GCNT2: variants seen among roughly 807,000 people sequenced by gnomAD.
GCNT2 encodes N-acetyllactosaminide beta-1,6-N-acetylglucosaminyl-transferase.
Under a neutral mutation model 34.2 loss-of-function variants are expected in GCNT2, and 34 were observed. The observed-to-expected ratio is 1.00, with a 90% confidence interval of 0.76 to 1.32. The LOEUF is 1.32. Among genes scored for constraint, GCNT2 ranks in the 40% most tolerant of loss-of-function variants. The pLI, the probability that GCNT2 is intolerant of heterozygous loss-of-function variation, is 0.00. For synonymous variants in GCNT2, 212 were observed against 188.0 expected (o/e 1.13, Z -1.04); for missense variants, 584 against 489.4 (o/e 1.19, Z -1.82).
chr6:10,578,365 AGAGT>A (rs1173249688), intron 3 of GCNT2, among the ~76,000 whole-genome samples: 2 of 147,130 alleles, frequency 1.4e-5, no homozygotes, highest in Non-Finnish European at 3.0e-5. Flanking sequence ...CCTGGGCAAC[AGAGT>A]GAGTGAGACT....
intron 3 of GCNT2, among the ~76,000 whole-genome samples, chr6:10,598,062 C>T (rs1329056958): frequency 1.3e-5 from 2 of 152,126 alleles, no homozygotes; most frequent in African/African-American, 4.8e-5. Flanking sequence ...CCTCTCTGGG[C>T]CTCAGTTTCC....
At chr6:10,616,594 A>G (rs1428785717) in intron 3 of GCNT2, among the ~76,000 whole-genome samples, 1 of 152,118 alleles carries the variant, frequency 6.6e-6, no homozygotes. Context: ...CTAGATACAG[A>G]GTGCCGATTG....
intron 3 of GCNT2, among the ~76,000 whole-genome samples, chr6:10,552,960 T>G (rs1295223771): frequency 6.6e-6 from 1 of 152,208 alleles, no homozygotes; most frequent in African/African-American, 2.4e-5. Flanking sequence ...TTTCTGCCAG[T>G]GCAGCTGAGC....
Position 10,571,628 on chromosome 6 carries a change from C to T in GCNT2, c.925+41792C>T, listed in dbSNP as rs146292056. The stretch of plus-strand genomic sequence containing the variant: ...TCAGCCTCCCAAAGTGCTGGGATTA[C>T]AGGTGTGTGCCACCGCACCAAGCCC... On this transcript the variant is annotated intron_variant, in intron 3 of 4. Transcript: ENST00000495262. Among the ~76,000 whole-genome samples the T allele has an allele frequency of 3.9e-4, 59 of 152,328 alleles. No individual in the cohort carries two copies. In the East Asian group the frequency reaches 0.011, roughly 27 times the overall value.
At chr6:10,618,779 T>A (rs1765903171) in intron 3 of GCNT2, among the ~76,000 whole-genome samples, 1 of 152,202 alleles carries the variant, frequency 6.6e-6, no homozygotes, top group South Asian at 2.1e-4. Flanking sequence ...ATCAAAATAA[T>A]TGTAAAGTAT....
intron 3 of GCNT2, among the ~76,000 whole-genome samples, chr6:10,589,398 G>C (rs115957628): frequency 1.5e-3 from 219 of 150,800 alleles, no homozygotes; most frequent in African/African-American, 5.2e-3. Context: ...TTTGTAGTGT[G>C]TGGTGTGGGT....
intron 3 of GCNT2, among the ~76,000 whole-genome samples, chr6:10,531,833 T>C (rs1056100105): frequency 6.7e-6 from 1 of 149,978 alleles, no homozygotes; most frequent in Non-Finnish European, 1.5e-5. Flanking sequence ...ACACAGCAGT[T>C]CCAAAGAGAG....
chr6:10,583,423 C>T (rs927082043), intron 3 of GCNT2, among the ~76,000 whole-genome samples: 2 of 152,144 alleles, frequency 1.3e-5, no homozygotes, highest in African/African-American at 4.8e-5. Context: ...AGGGCCCACT[C>T]TTAACATGCC....
rs762214772 is a variant in GCNT2, at chr6:10,621,442, C to T, written c.1017C>T (p.His339=). 19 of 1,599,462 alleles carry T rather than the reference C, an allele frequency of 1.2e-5. No individual in the cohort carries two copies. Among genetic ancestry groups the T allele is most frequent in the South Asian group, 6.6e-5 (6 of 90,690 alleles). ...TGGAAGACAGACACGGAGGCTGCCA[C>T]GGTGAGGCTCTCGTTCCATGCTTCT... ...SDMEDRHGGC[H]GHYVHGICIY... Residue 339 remains histidine, a splice_region_variant and synonymous_variant, in exon 4 of 5, where the codon CAC becomes CAT. Transcript: ENST00000495262.
At chr6:10,588,803 G>A (rs1191595889) in intron 3 of GCNT2, among the ~76,000 whole-genome samples, 9 of 148,320 alleles carry the variant, frequency 6.1e-5, no homozygotes. Context: ...GTGTGTGTGT[G>A]TGTGTGGTGT....
intron 3 of GCNT2, among the ~76,000 whole-genome samples, chr6:10,585,567 C>T (rs529401952): frequency 6.6e-6 from 1 of 152,224 alleles, no homozygotes; most frequent in Non-Finnish European, 1.5e-5. Context: ...GAGATCAGAT[C>T]AGAATAGATT....
intron 3 of GCNT2, among the ~76,000 whole-genome samples, chr6:10,611,881 G>A (rs1236478459): frequency 1.3e-5 from 2 of 151,902 alleles, no homozygotes; most frequent in East Asian, 3.8e-4. Flanking sequence ...TATAAGTAAG[G>A]AAAACACTGG....
At chr6:10,532,044 G>A (rs1428089557) in intron 3 of GCNT2, among the ~76,000 whole-genome samples, 1 of 152,098 alleles carries the variant, frequency 6.6e-6, no homozygotes, top group Non-Finnish European at 1.5e-5. Context: ...CCAGCGGGTG[G>A]GAGATGAGAA....
At chr6:10,550,396 GA>G (rs1057228175) in intron 3 of GCNT2, among the ~76,000 whole-genome samples, 1 of 150,760 alleles carries the variant, frequency 6.6e-6, no homozygotes, top group African/African-American at 2.4e-5. Context: ...GGGTCATTGA[GA>G]AAAAAAAATC....
At chr6:10,605,266 A>G (rs1376839947) in intron 3 of GCNT2, among the ~76,000 whole-genome samples, 1 of 124,590 alleles carries the variant, frequency 8.0e-6, no homozygotes, top group Non-Finnish European at 1.6e-5. Context: ...CCCAGGCTGG[A>G]GTGCAGTGGC....
intron 3 of GCNT2, among the ~76,000 whole-genome samples, chr6:10,563,398 C>T (rs1390133070): frequency 2.0e-5 from 3 of 152,026 alleles, no homozygotes; most frequent in African/African-American, 4.8e-5. Context: ...TATAAAACCC[C>T]ATAAGAAGGG....
chr6:10,575,197 T>C (rs1414130006), intron 3 of GCNT2: 2 of 384,510 alleles, frequency 5.2e-6, no homozygotes, highest in Admixed American at 2.9e-5. Context: ...ATACATTGGG[T>C]GCCTCTCCTC....
chr6:10,585,548 G>A (rs562252230), intron 3 of GCNT2, among the ~76,000 whole-genome samples: 51 of 152,320 alleles, frequency 3.3e-4, no homozygotes, highest in Non-Finnish European at 5.6e-4. Context: ...TGGAGAAAGC[G>A]TGAGAAGGGA....
intron 1 of GCNT2, among the ~76,000 whole-genome samples, chr6:10,525,840 C>T (rs1471633909): frequency 1.3e-5 from 2 of 152,064 alleles, no homozygotes; most frequent in South Asian, 4.1e-4. Flanking sequence ...GTTGTAAATT[C>T]GAAGAGCAGG....
Sources: gnomAD v4.1 joint callset for allele counts (sites outside exome capture counted in the v4.1 genomes callset) on GRCh38, gnomAD v4.1.1 for gene constraint, MANE v1.5 for transcripts, NCBI Gene and HGNC (gene_info 2026-07-23, HGNC 2026-07-21) for gene names.